The following ANKHD1 variants were observed in gnomAD, a reference collection of about 807,000 sequenced individuals.
The protein encoded by ANKHD1 is ankyrin repeat and KH domain-containing protein 1.
In ANKHD1, 31 loss-of-function variants were observed where a neutral mutation model predicts 230.5. The observed-to-expected ratio is 0.13, with a 90% CI of 0.10 to 0.18. ANKHD1 has a LOEUF of 0.18. ANKHD1 is among the 10% of genes least tolerant of loss of function. ANKHD1 has a pLI of 1.00. For missense variants in ANKHD1, 2,256 were observed against 3,071.3 expected (o/e 0.73, Z 6.27); for synonymous variants, 1,074 against 1,117.6 (o/e 0.96, Z 0.78).
intron 15 of ANKHD1, 109 bp from the exon 16 acceptor site, chr5:140,504,712 A>G (rs1752471926): frequency 7.2e-7 from 1 of 1,384,426 alleles, no homozygotes; most frequent in East Asian, 2.4e-5. Context: ...TTGTGATTTT[A>G]CTATTACTAC....
intron 1 of ANKHD1, among the ~76,000 whole-genome samples, chr5:140,409,550 T>C (rs1357752238): frequency 2.7e-3 from 12 of 4,494 alleles, no homozygotes; most frequent in Non-Finnish European, 4.7e-3. Flanking sequence ...ACTGTAACAA[T>C]TTTTTTTTTT....
chr5:140,513,869 C>G (rs1752869986), intron 24 of ANKHD1, among the ~76,000 whole-genome samples: 1 of 151,142 alleles, frequency 6.6e-6, no homozygotes, highest in Non-Finnish European at 1.5e-5. Context: ...ACCTGTAATC[C>G]CAGCACTTTG....
chr5:140,539,579 G>A lies in ANKHD1; in HGVS notation c.*161G>A. On this transcript the variant is annotated 3_prime_UTR_variant, in exon 34 of 34. Transcript: ENST00000360839. ...GAACAAATTGATTTCCTATCCACCT[G>A]ATTATGTTCTCTGGTTAGTTTAGCC... The A allele has an allele frequency of 1.3e-6, 1 of 777,150 alleles. No individual in the cohort carries two copies. The highest frequency in any genetic ancestry group is 2.0e-6 in the Non-Finnish European group (1 of 507,082). 48.1% of individuals were successfully genotyped at this position (777,150 alleles called of 1,614,324 possible). A position where few individuals can be genotyped will look rare whatever the true frequency, so the allele number is the denominator to read the frequency against.
intron 1 of ANKHD1, among the ~76,000 whole-genome samples, chr5:140,434,419 A>G (rs1773286015): frequency 6.7e-6 from 1 of 149,804 alleles, no homozygotes; most frequent in Non-Finnish European, 1.5e-5. Context: ...TATATATAGT[A>G]TATATATTAT....
In ANKHD1 at chr5:140,510,151, A is replaced by G. The variant is rs764527807; in HGVS notation, c.4074A>G (p.Lys1358=). The G allele has an allele frequency of 1.2e-6, 2 of 1,612,812 alleles. No individual in the cohort carries two copies. The highest frequency in any genetic ancestry group is 2.2e-5 in the South Asian group (2 of 90,928). The change falls in exon 22 of 34, where the codon AAA becomes AAG. Residue 1358 remains lysine (K), a synonymous_variant. Coordinates refer to ENST00000360839, the MANE Select transcript of ANKHD1 (RefSeq NM_017747.3). ...GADVDAADNR[K]ITPLMSAFRK... Reference sequence around the variant, plus strand: ...ATGTGGATGCAGCAGATAACCGGAAAATCACACCTCTTATGTCAGCATTTC... The same window carrying G: ...ATGTGGATGCAGCAGATAACCGGAAGATCACACCTCTTATGTCAGCATTTC...
rs1470006274 is a variant in ANKHD1 at position 140,506,622 on chromosome 5, T to C, written c.3409-213T>C. Among the ~76,000 whole-genome samples, 2 of 152,370 alleles carry C rather than the reference T, an allele frequency of 1.3e-5. No homozygotes were observed. Among genetic ancestry groups the C allele is most frequent in the Admixed American group, 6.5e-5 (1 of 15,298 alleles). On this transcript the variant is annotated intron_variant, in intron 18 of 33. Coordinates refer to ENST00000360839, the MANE Select transcript of ANKHD1 (RefSeq NM_017747.3). This position sits in a 1 kb window ranked among gnomAD's most constrained non-coding sequence, Gnocchi z 4.7. Reference sequence around the variant, plus strand: ...AAATAGAAAGGGTAACATCTTGTTATTGCAGTATAATTGGGATTTCAAAAC... The same window carrying C: ...AAATAGAAAGGGTAACATCTTGTTACTGCAGTATAATTGGGATTTCAAAAC...
At chr5:140,479,816 T>A (rs987035827) in intron 10 of ANKHD1, among the ~76,000 whole-genome samples, 15 of 150,162 alleles carry the variant, frequency 1.0e-4, no homozygotes, top group Non-Finnish European at 2.2e-4. Context: ...AATGGGAATA[T>A]ATGTGTGTAA....
In ANKHD1 at chr5:140,458,834, A is replaced by G; in HGVS notation, c.1452A>G (p.Glu484=). 1 of 1,612,648 alleles carries G rather than the reference A, an allele frequency of 6.2e-7. No homozygotes were observed. The highest frequency in any genetic ancestry group is 8.5e-7 in the Non-Finnish European group (1 of 1,179,464). ...PLMEAAREGH[E]EMVALLLAQG... is the part of the protein sequence containing the mutation. ...TGGAAGCTGCCCGGGAAGGACATGA[A>G]GAAATGGTGGCACTACTCTTAGCAC... Residue 484 remains glutamate, a synonymous_variant, in exon 8 of 34, where the codon GAA becomes GAG. Coordinates refer to ENST00000360839, the MANE Select transcript of ANKHD1 (RefSeq NM_017747.3).
intron 1 of ANKHD1, among the ~76,000 whole-genome samples, chr5:140,427,530 C>T (rs1392616379): frequency 2.0e-4 from 25 of 125,806 alleles, no homozygotes; most frequent in South Asian, 5.1e-4. Context: ...CCGGACGGGG[C>T]GGCTGGCCGG....
At chr5:140,461,261 C>T (rs1388477188) in intron 9 of ANKHD1, among the ~76,000 whole-genome samples, 3 of 152,184 alleles carry the variant, frequency 2.0e-5, no homozygotes, top group Non-Finnish European at 4.4e-5. Context: ...ACAGAGTCAA[C>T]ATTCAAACTT....
At chr5:140,424,217 TATAGAG>T (rs1424052905) in intron 1 of ANKHD1, among the ~76,000 whole-genome samples, 9 of 144,898 alleles carry the variant, frequency 6.2e-5, no homozygotes, top group African/African-American at 1.8e-4. Context: ...ACTATATATA[TATAGAG>T]AGAGAGAGAG....
At position 140,445,722 on chromosome 5, in the gene ANKHD1, TTTCTTC is replaced by T. The variant is rs776575315; in HGVS notation, c.914-11_914-6del. On this transcript the variant is annotated splice_polypyrimidine_tract_variant and intron_variant, in intron 5 of 33. Transcript: ENST00000360839. Reference sequence around the variant, plus strand: ...ATATATATTCTGCTCATGTATTATATTTCTTCTTCTTCTTTTTAGGAAACACTGCGC... The same window carrying T: ...ATATATATTCTGCTCATGTATTATATTTCTTCTTTTTAGGAAACACTGCGC... 3.2e-6 allele frequency: 5 copies of T among 1,551,528 alleles called. No individual in the cohort carries two copies. Among genetic ancestry groups the T allele is most frequent in the Non-Finnish European group, 4.4e-6 (5 of 1,147,128 alleles).
Position 140,528,383 on chromosome 5 carries a change from A to T in ANKHD1, c.5437A>T (p.Thr1813Ser), listed in dbSNP as rs1276038536. ...AAATGCATTTCCTTTGGGTGCTCCA[A>T]CTCTTGTAACTTCACAGGCAACAAC... ...SKNAFPLGAP[T>S]LVTSQATTLS... is the part of the protein sequence containing the mutation. Residue 1813 changes from threonine (T) to serine (S), a missense_variant, in exon 29 of 34, where the codon ACT becomes TCT. Around this residue, in one of 13 missense-constraint regions of ANKHD1, gnomAD observed 778 missense variants for 966.5 expected, o/e 0.80. Transcript: ENST00000360839. 1.2e-6 allele frequency: 2 copies of T among 1,613,856 alleles called. No homozygotes were observed. Among genetic ancestry groups the T allele is most frequent in the African/African-American group, 2.7e-5 (2 of 74,834 alleles).
chr5:140,513,264 A>G, intron 23 of ANKHD1, 99 bp from the exon 24 acceptor site: 3 of 1,220,958 alleles, frequency 2.5e-6, no homozygotes, highest in Non-Finnish European at 3.4e-6. Flanking sequence ...GTGACTTTTC[A>G]GTTTGAACTT....
intron 24 of ANKHD1, among the ~76,000 whole-genome samples, chr5:140,518,255 G>T (rs1753139614): frequency 6.6e-6 from 1 of 152,010 alleles, no homozygotes; most frequent in Admixed American, 6.5e-5. Context: ...TTGAATCTCT[G>T]AATAGACCAA....
chr5:140,402,183 C>G lies in ANKHD1; in HGVS notation c.216C>G (p.Asp72Glu). 3.3e-6 allele frequency: 5 copies of G among 1,522,344 alleles called. No homozygotes were observed. Among genetic ancestry groups the G allele is most frequent in the Non-Finnish European group, 4.4e-6 (5 of 1,139,672 alleles). 94.3% of individuals were successfully genotyped at this position (1,522,344 alleles called of 1,614,324 possible). The stretch of plus-strand genomic sequence containing the variant: ...GCGGCAGCGGTACGGGCGGAGGGGA[C>G]GCGGCGCTGGATTTCAAGTTGGCGG... The part of the protein sequence containing the change: ...GGSGSGTGGG[D>E]AALDFKLAAA... The change falls in exon 1 of 34, where the codon GAC (aspartate) becomes GAG (glutamate). Residue 72 changes from aspartate to glutamate, a missense_variant. Asp to Glu is a conservative substitution (Grantham distance 45). Around this residue, in one of 13 missense-constraint regions of ANKHD1, gnomAD observed 193 missense variants for 185.8 expected, o/e 1.04. Transcript: ENST00000360839.
At position 140,401,977 on chromosome 5, in the gene ANKHD1, G is replaced by T; in HGVS notation, c.10G>T (p.Asp4Tyr). 1 of 1,564,710 alleles carries T rather than the reference G, an allele frequency of 6.4e-7. No homozygotes were observed. The stretch of plus-strand genomic sequence containing the variant: ...GCTCCGGGTGCGAACAATGCTGACT[G>T]ATAGCGGAGGCGGCGGCACCTCCTT... MLTDSGGGGTSFEE... is the reference protein window; with the variant it reads MLTYSGGGGTSFEE... Residue 4 changes from aspartate to tyrosine, a missense_variant, in exon 1 of 34, where the codon GAT becomes TAT. Around this residue, in one of 13 missense-constraint regions of ANKHD1, gnomAD observed 193 missense variants for 185.8 expected, o/e 1.04. Transcript: ENST00000360839.
At chr5:140,456,155 G>T (rs1156577901) in intron 7 of ANKHD1, among the ~76,000 whole-genome samples, 1 of 152,124 alleles carries the variant, frequency 6.6e-6, no homozygotes, top group Non-Finnish European at 1.5e-5. Context: ...ACTTACAAGG[G>T]ATGTAAAGGA....
Position 140,445,803 on chromosome 5 carries a change from T to A in ANKHD1, c.975T>A (p.Leu325=), listed in dbSNP as rs532383581. The change falls in exon 6 of 34, where the codon CTT becomes CTA. Residue 325 remains leucine (L), a synonymous_variant. Coordinates refer to ENST00000360839, the MANE Select transcript of ANKHD1 (RefSeq NM_017747.3). ...GGFVDIVKVL[L]NEGANIEDHN... Reference sequence around the variant, plus strand: ...TTGTTGACATTGTTAAAGTGCTCCTTAATGAAGGTGCAAATATAGAAGATC... The same window carrying A: ...TTGTTGACATTGTTAAAGTGCTCCTAAATGAAGGTGCAAATATAGAAGATC... 35 of 1,613,460 alleles carry A rather than the reference T, an allele frequency of 2.2e-5. No homozygotes were observed. The highest frequency in any genetic ancestry group is 1.7e-4 in the Middle Eastern group (1 of 6,058).
Sources: gnomAD v4.1 joint callset for allele counts (sites outside exome capture counted in the v4.1 genomes callset) on GRCh38, gnomAD v4.1.1 for gene constraint, gnomAD v4.1.1 regional missense constraint, Gnocchi (gnomAD v3.1) non-coding constraint, MANE v1.5 for transcripts, NCBI Gene and HGNC (gene_info 2026-07-23, HGNC 2026-07-21) for gene names.